The following TGM4 variants were observed in gnomAD, a reference collection of about 807,000 sequenced individuals.
The protein encoded by TGM4 is transglutaminase 4.
In TGM4, 61 loss-of-function variants were observed where a neutral mutation model predicts 76.3. The ratio of observed to expected loss-of-function variants is 0.80; its 90% confidence interval spans 0.65 to 0.99. The LOEUF (loss-of-function observed/expected upper bound fraction) is 0.99, where lower values mean the gene tolerates loss of function less well. TGM4 is among the 50% of genes least tolerant of loss of function. TGM4 has a pLI of 0.00. For synonymous variants in TGM4, 337 were observed against 329.8 expected (o/e 1.02, Z -0.24); for missense variants, 794 against 843.2 (o/e 0.94, Z 0.72).
chr3:44,898,539 A>G lies in TGM4; in HGVS notation c.657+1723A>G, dbSNP rs117310596. 5.4e-4 allele frequency among the ~76,000 whole-genome samples: 82 copies of G among 152,348 alleles called. 2 individuals carry two copies. In the East Asian group the frequency reaches 0.015, roughly 29 times the overall value. On this transcript the variant is annotated intron_variant, in intron 6 of 13. Coordinates refer to ENST00000296125, the MANE Select transcript of TGM4 (RefSeq NM_003241.4). ...GAACTCCCAGGGATCTCCCAATGCC[A>G]GTGAGGACCACTCTCCAAAGGTCCA...
intron 1 of TGM4, among the ~76,000 whole-genome samples, chr3:44,884,909 A>G (rs1001984869): frequency 1.3e-5 from 2 of 152,142 alleles, no homozygotes; most frequent in Admixed American, 6.5e-5. Flanking sequence ...TGATTGACGG[A>G]GAACACCCTG....
chr3:44,880,059 A>G lies in TGM4; in HGVS notation c.20-5266A>G, dbSNP rs1699511485. Among the ~76,000 whole-genome samples, 4 of 152,134 alleles carry G rather than the reference A, an allele frequency of 2.6e-5. No individual in the cohort carries two copies. In the South Asian group the frequency reaches 8.3e-4, roughly 31 times the overall value. ...AGGGATCCCCCTGCCTCAGCCTCCC[A>G]AAGTGTTGGGATCATAGGCGTGAGC... On this transcript the variant is annotated intron_variant, in intron 1 of 13. Transcript: ENST00000296125.
intron 11 of TGM4, 151 bp from the exon 12 acceptor site, chr3:44,910,807 A>G (rs184844596): frequency 2.9e-5 from 25 of 848,452 alleles, no homozygotes; most frequent in Admixed American, 1.4e-4. Flanking sequence ...CTTGAGCCCA[A>G]CGTCTTGTTT....
intron 4 of TGM4, among the ~76,000 whole-genome samples, chr3:44,893,243 T>C (rs1699728173): frequency 1.3e-5 from 2 of 152,186 alleles, no homozygotes; most frequent in South Asian, 4.1e-4. Flanking sequence ...TGGCATTTCC[T>C]GTAGGCAGAG....
chr3:44,894,655 A>G (rs373279843), intron 5 of TGM4, among the ~76,000 whole-genome samples: 149 of 151,262 alleles, frequency 9.9e-4, no homozygotes, highest in African/African-American at 3.1e-3. Context: ...CCCCTCCCCC[A>G]AGATTTGACA....
At chr3:44,892,515 C>A (rs567752408) in intron 4 of TGM4, among the ~76,000 whole-genome samples, 1 of 151,818 alleles carries the variant, frequency 6.6e-6, no homozygotes, top group Non-Finnish European at 1.5e-5. Context: ...GGATTACAGG[C>A]ACATGCCACC....
chr3:44,887,263 T>C (rs1385046573), intron 2 of TGM4, among the ~76,000 whole-genome samples: 1 of 152,198 alleles, frequency 6.6e-6, no homozygotes, highest in Non-Finnish European at 1.5e-5. Flanking sequence ...CTGCAACAGC[T>C]TGCAGGGTAG....
At chr3:44,885,199 C>G in intron 1 of TGM4, 126 bp from the exon 2 acceptor site, 1 of 928,966 alleles carries the variant, frequency 1.1e-6, no homozygotes, top group East Asian at 2.7e-5. Flanking sequence ...GGAGGTGGAG[C>G]AGGGATGCCC....
intron 9 of TGM4, among the ~76,000 whole-genome samples, chr3:44,905,317 C>T (rs932872374): frequency 1.3e-5 from 2 of 151,862 alleles, no homozygotes; most frequent in Admixed American, 6.6e-5. Context: ...AAAAGCAGTC[C>T]AACTGCTCAG....
At chr3:44,875,371 C>T (rs1302069003) in intron 1 of TGM4, among the ~76,000 whole-genome samples, 1 of 152,214 alleles carries the variant, frequency 6.6e-6, no homozygotes, top group African/African-American at 2.4e-5. Context: ...TGTAGAATGT[C>T]TCTCAATGTG....
At chr3:44,879,972 A>AT (rs1033895728) in intron 1 of TGM4, among the ~76,000 whole-genome samples, 6 of 150,042 alleles carry the variant, frequency 4.0e-5, no homozygotes, top group East Asian at 4.0e-4. Context: ...TAATTAAATA[A>AT]TTTTTTTTTA....
At chr3:44,910,395 C>T (rs1699987647) in intron 11 of TGM4, 27 bp downstream of exon 11, 1 of 1,604,096 alleles carries the variant, frequency 6.2e-7, no homozygotes, top group Non-Finnish European at 8.5e-7. Flanking sequence ...GAGGAGAGGC[C>T]TCAAGTGGGC....
intron 1 of TGM4, among the ~76,000 whole-genome samples, chr3:44,878,198 G>C (rs1222909819): frequency 6.6e-6 from 1 of 151,472 alleles, no homozygotes; most frequent in African/African-American, 2.4e-5. Flanking sequence ...GATCTACTTG[G>C]GTGGTTAGGA....
rs1337890920 is a variant in TGM4 at position 44,893,800 on chromosome 3, G to A, written c.549+105G>A. The stretch of plus-strand genomic sequence containing the variant: ...TTCTGGAGAAAGGGTTGTGAACCTC[G>A]GGTCAAACGCCAGCCTCATACATGT... On this transcript the variant is annotated intron_variant, in intron 5 of 13. Transcript: ENST00000296125. 13 of 1,033,442 alleles carry A rather than the reference G, an allele frequency of 1.3e-5. No homozygotes were observed. In the East Asian group the frequency reaches 2.1e-4, roughly 17 times the overall value. The allele number at this position is 1,033,442 out of a possible 1,614,324, so 64.0% of individuals were successfully genotyped here. A position where few individuals can be genotyped will look rare whatever the true frequency, so the allele number is the denominator to read the frequency against.
chr3:44,911,377 C>T lies in TGM4; in HGVS notation c.1884C>T (p.Gly628=). 1 of 1,614,242 alleles carries T rather than the reference C, an allele frequency of 6.2e-7. No individual in the cohort carries two copies. Among genetic ancestry groups the T allele is most frequent in the Non-Finnish European group, 8.5e-7 (1 of 1,180,042 alleles). The change falls in exon 13 of 14, where the codon GGC becomes GGT. Residue 628 remains glycine (G), a synonymous_variant. Transcript: ENST00000296125. ...TDVKFSLESL[G]ISSLQTSDHG... is the part of the protein sequence containing the mutation. ...TCAAGTTCTCTTTGGAAAGCCTGGG[C>T]ATCTCCTCACTACAGACCTCTGACC... is the stretch of plus-strand genomic sequence containing the variant.
Position 44,885,357 on chromosome 3 carries a change from C to T in TGM4, c.52C>T (p.Gln18Ter). ...AGTTCTCCACATTGACTTCTTGAAT[C>T]AGGACAACGCCGTTTCTCACCACAC... is the stretch of plus-strand genomic sequence containing the variant. Reference protein sequence around the residue: ...LQVLHIDFLNQDNAVSHHTWE... With the variant: ...LQVLHIDFLN The change falls in exon 2 of 14, where the codon CAG becomes TAG. Residue 18 changes from glutamine (Q) to a stop codon, truncating the protein, a stop_gained. Coordinates refer to ENST00000296125, the MANE Select transcript of TGM4 (RefSeq NM_003241.4). LOFTEE classifies it high-confidence loss of function. The T allele has an allele frequency of 5.0e-6, 8 of 1,611,720 alleles. No homozygotes were observed. The highest frequency in any genetic ancestry group is 6.8e-6 in the Non-Finnish European group (8 of 1,178,140).
At position 44,910,352 on chromosome 3, in the gene TGM4, G is replaced by C; in HGVS notation, c.1590G>C (p.Ser530=). Residue 530 remains serine (S), a synonymous_variant, in exon 11 of 14, where the codon TCG becomes TCC. Transcript: ENST00000296125. The stretch of plus-strand genomic sequence containing the variant: ...AACTGTGTGACCTCAATAAGACCTC[G>C]CAGATCCAAGGTCAAGGTACCAGAA... ...MAKLCDLNKT[S]QIQGQVSEVT... The C allele has an allele frequency of 6.2e-7, 1 of 1,613,658 alleles. No individual in the cohort carries two copies. The highest frequency in any genetic ancestry group is 2.2e-5 in the East Asian group (1 of 44,878).
At chr3:44,912,798 C>T (rs139388513) in intron 13 of TGM4, among the ~76,000 whole-genome samples, 2,738 of 152,116 alleles carry the variant, frequency 0.018, 42 homozygotes, top group Middle Eastern at 0.085. Flanking sequence ...ACCACTTGCA[C>T]GTTATTAGTT....
intron 1 of TGM4, among the ~76,000 whole-genome samples, chr3:44,877,375 G>A (rs1699464397): frequency 6.6e-6 from 1 of 152,146 alleles, no homozygotes; most frequent in African/African-American, 2.4e-5. Context: ...TTGAACCTGG[G>A]AGGCGGAGGC....
Sources: gnomAD v4.1 joint callset for allele counts (sites outside exome capture counted in the v4.1 genomes callset) on GRCh38, gnomAD v4.1.1 for gene constraint, MANE v1.5 for transcripts, NCBI Gene and HGNC (gene_info 2026-07-23, HGNC 2026-07-21) for gene names.